BTBD7: variants seen among roughly 807,000 people sequenced by gnomAD.
BTBD7 encodes the protein BTB/POZ domain-containing protein 7.
In BTBD7, 38 loss-of-function variants were observed where a neutral mutation model predicts 99.9. The observed-to-expected ratio is 0.38, with a 90% CI of 0.29 to 0.50. The LOEUF is 0.50. Among genes scored for constraint, BTBD7 ranks in the 20% least tolerant of loss-of-function variants. BTBD7 has a pLI of 0.93. For synonymous variants in BTBD7, 520 were observed against 511.4 expected (o/e 1.02, Z -0.23); for missense variants, 1,170 against 1,394.6 (o/e 0.84, Z 2.57).
At chr14:93,243,342 C>T (rs8009462) in intron 10 of BTBD7, among the ~76,000 whole-genome samples, 17,272 of 151,892 alleles carry the variant, frequency 0.11, 1,186 homozygotes, top group African/African-American at 0.19. Context: ...TACAGGTGCC[C>T]GCCACCACGC....
chr14:93,269,391 C>T (rs1296038759), intron 3 of BTBD7, among the ~76,000 whole-genome samples: 2 of 152,172 alleles, frequency 1.3e-5, no homozygotes, highest in Non-Finnish European at 2.9e-5. Context: ...AGGCTTTACA[C>T]GGTGCCACAT....
At chr14:93,290,463 C>T (rs1340621610) in intron 3 of BTBD7, among the ~76,000 whole-genome samples, 3 of 150,120 alleles carry the variant, frequency 2.0e-5, no homozygotes, top group African/African-American at 4.9e-5. Flanking sequence ...CTGCCTGCCC[C>T]GGCCTCCCAA....
chr14:93,320,429 C>G (rs1185797152), intron 1 of BTBD7, among the ~76,000 whole-genome samples: 5 of 152,194 alleles, frequency 3.3e-5, no homozygotes, highest in African/African-American at 7.2e-5. Context: ...CAAAGAATTA[C>G]CTGGCCCCAA....
intron 3 of BTBD7, among the ~76,000 whole-genome samples, chr14:93,271,332 T>A (rs2052598491): frequency 1.3e-5 from 2 of 152,060 alleles, no homozygotes; most frequent in Non-Finnish European, 2.9e-5. Context: ...TATAAACGAC[T>A]TCCAGATTCA....
chr14:93,291,696 T>C (rs183923297), intron 3 of BTBD7, among the ~76,000 whole-genome samples: 1 of 152,272 alleles, frequency 6.6e-6, no homozygotes, highest in African/African-American at 2.4e-5. Flanking sequence ...AGATTTTTTT[T>C]TGCTTGTTTT....
intron 8 of BTBD7, among the ~76,000 whole-genome samples, chr14:93,249,265 G>GC (rs2052345805): frequency 4.5e-5 from 3 of 67,318 alleles, no homozygotes; most frequent in Non-Finnish European, 5.2e-5. Context: ...AACCAGATAG[G>GC]CAAAAAAAAA....
At position 93,243,091 on chromosome 14, in the gene BTBD7, GCAGA is replaced by G. The variant is rs1447446318; in HGVS notation, c.2584-7_2584-4del. 5 of 1,603,552 alleles carry G rather than the reference GCAGA, an allele frequency of 3.1e-6. No homozygotes were observed. Among genetic ancestry groups the G allele is most frequent in the Non-Finnish European group, 8.5e-7 (1 of 1,172,182 alleles). ...TCATTCAGCACAGGTTGTGTTCGCT[GCAGA>G]CAGAGACAAAAATGGTGGGAGGGTT... On this transcript the variant is annotated splice_region_variant and splice_polypyrimidine_tract_variant and intron_variant, in intron 10 of 10. Coordinates refer to ENST00000334746, the MANE Select transcript of BTBD7 (RefSeq NM_001002860.4).
At chr14:93,304,166 A>G (rs2053041053) in intron 1 of BTBD7, among the ~76,000 whole-genome samples, 1 of 152,200 alleles carries the variant, frequency 6.6e-6, no homozygotes, top group East Asian at 1.9e-4. Context: ...TGCCATTTGG[A>G]GCCTCTGTGT....
At chr14:93,312,648 G>A (rs2053151154) in intron 1 of BTBD7, among the ~76,000 whole-genome samples, 1 of 152,134 alleles carries the variant, frequency 6.6e-6, no homozygotes, top group Non-Finnish European at 1.5e-5. Flanking sequence ...AGCCCTACAG[G>A]AGACTGAGGC....
intron 1 of BTBD7, among the ~76,000 whole-genome samples, chr14:93,302,690 C>T (rs2053019297): frequency 6.6e-6 from 1 of 152,026 alleles, no homozygotes; most frequent in African/African-American, 2.4e-5. Context: ...ACTAAAAATA[C>T]AAAAATTAGC....
intron 5 of BTBD7, among the ~76,000 whole-genome samples, chr14:93,258,650 T>A (rs563742565): frequency 6.6e-6 from 1 of 152,288 alleles, no homozygotes; most frequent in Non-Finnish European, 1.5e-5. Flanking sequence ...AGTGGCATGA[T>A]CTTGGCTCAC....
At chr14:93,286,652 C>A (rs1347223635) in intron 3 of BTBD7, among the ~76,000 whole-genome samples, 1 of 152,194 alleles carries the variant, frequency 6.6e-6, no homozygotes, top group Non-Finnish European at 1.5e-5. Context: ...CTTCTCCTAC[C>A]ATGCCCAAAT....
chr14:93,265,020 C>T (rs1050051768), intron 3 of BTBD7, among the ~76,000 whole-genome samples: 5 of 152,120 alleles, frequency 3.3e-5, no homozygotes, highest in African/African-American at 9.7e-5. Context: ...ACTCGAGAGG[C>T]GGAGGTTGCA....
intron 1 of BTBD7, among the ~76,000 whole-genome samples, chr14:93,304,347 A>AT (rs2053044859): frequency 6.6e-6 from 1 of 152,172 alleles, no homozygotes; most frequent in African/African-American, 2.4e-5. Flanking sequence ...ATTTGAGTTT[A>AT]TTATTTATTT....
At chr14:93,253,845 A>C in intron 6 of BTBD7, 55 bp from the exon 7 acceptor site, 7 of 739,748 alleles carry the variant, frequency 9.5e-6, no homozygotes, top group South Asian at 4.0e-5. Flanking sequence ...TAATACTACT[A>C]AGATAAATAA....
intron 1 of BTBD7, among the ~76,000 whole-genome samples, chr14:93,324,126 T>TA (rs2053300742): frequency 1.3e-5 from 2 of 152,228 alleles, no homozygotes; most frequent in African/African-American, 4.8e-5. Context: ...TCTTGAAAAA[T>TA]AAAGAGGACT....
intron 1 of BTBD7, among the ~76,000 whole-genome samples, chr14:93,298,934 G>A (rs992046338): frequency 4.6e-5 from 7 of 152,194 alleles, no homozygotes; most frequent in Non-Finnish European, 5.9e-5. Flanking sequence ...GATAGCTGGG[G>A]TTTCACCTTA....
intron 5 of BTBD7, among the ~76,000 whole-genome samples, chr14:93,259,323 C>T (rs1418218005): frequency 6.6e-6 from 1 of 152,200 alleles, no homozygotes; most frequent in Non-Finnish European, 1.5e-5. Flanking sequence ...ACACCACAGC[C>T]TTCCTGTTCT....
intron 8 of BTBD7, 85 bp downstream of exon 8, chr14:93,251,378 A>G: frequency 7.4e-7 from 1 of 1,355,258 alleles, no homozygotes; most frequent in South Asian, 1.6e-5. Context: ...GAGAATTAGC[A>G]TATACAGAGA....
Sources: allele counts gnomAD v4.1 joint callset (sites outside exome capture counted in the v4.1 genomes callset), GRCh38; gene constraint gnomAD v4.1.1; transcripts MANE v1.5; gene names NCBI Gene and HGNC (gene_info 2026-07-23, HGNC 2026-07-21).